Variants in FGF12 observed in about 807,000 individuals in gnomAD.
FGF12 encodes fibroblast growth factor 12.
A neutral mutation model predicts 23.6 loss-of-function variants in FGF12; 14 were observed. The observed-to-expected ratio is 0.59, with a 90% CI of 0.39 to 0.93. FGF12 has a LOEUF of 0.93. Ranked by LOEUF, FGF12 falls within the 40% of genes least tolerant of loss-of-function variation. The pLI is 0.00. For synonymous variants in FGF12, 62 were observed against 77.3 expected, an observed-to-expected ratio of 0.80 and a Z score of 1.04; for missense variants, 175 against 217.8, an observed-to-expected ratio of 0.80 and a Z score of 1.24.
chr3:192,509,968 G>T (rs2108838826), intron 2 of FGF12, among the ~76,000 whole-genome samples: 1 of 152,260 alleles, frequency 6.6e-6, no homozygotes, highest in Middle Eastern at 3.4e-3. Context: ...CTCACAAAAA[G>T]AAGTTTTAAC....
intron 5 of FGF12, among the ~76,000 whole-genome samples, chr3:192,168,916 CAAG>C (rs1715381243): frequency 6.6e-6 from 1 of 152,088 alleles, no homozygotes; most frequent in South Asian, 2.1e-4. Context: ...TGAAGAAAGT[CAAG>C]AAGGCCATCA....
At chr3:192,425,005 A>C (rs2108786412) in intron 2 of FGF12, among the ~76,000 whole-genome samples, 1 of 152,286 alleles carries the variant, frequency 6.6e-6, no homozygotes, top group East Asian at 1.9e-4. Flanking sequence ...TGTATACTGC[A>C]TATATGTGTG....
intron 2 of FGF12, among the ~76,000 whole-genome samples, chr3:192,672,104 T>C (rs1190375301): frequency 7.2e-6 from 1 of 138,520 alleles, no homozygotes; most frequent in Admixed American, 7.2e-5. Flanking sequence ...AATAGTCTTC[T>C]ATAGTAAACT....
At chr3:192,268,472 A>G (rs1474417213) in intron 4 of FGF12, among the ~76,000 whole-genome samples, 2 of 152,154 alleles carry the variant, frequency 1.3e-5, no homozygotes, top group Admixed American at 6.5e-5. Flanking sequence ...GTAATCTCCA[A>G]TGTTGGAGGT....
intron 4 of FGF12, among the ~76,000 whole-genome samples, chr3:192,306,240 T>C (rs1715646672): frequency 6.6e-6 from 1 of 152,184 alleles, no homozygotes; most frequent in Admixed American, 6.5e-5. Flanking sequence ...TTCAATTATA[T>C]GTTAGGGGAC....
chr3:192,281,670 A>G (rs186875988), intron 4 of FGF12, among the ~76,000 whole-genome samples: 3 of 152,220 alleles, frequency 2.0e-5, no homozygotes, highest in Non-Finnish European at 4.4e-5. Flanking sequence ...TTAGCAACAC[A>G]TGGGCAAACA....
chr3:192,505,500 C>A (rs1724264511), intron 2 of FGF12, among the ~76,000 whole-genome samples: 1 of 152,096 alleles, frequency 6.6e-6, no homozygotes, highest in Non-Finnish European at 1.5e-5. Flanking sequence ...TTAAAAAATT[C>A]ACACGCATAG....
At chr3:192,580,291 T>C (rs1713079112) in intron 2 of FGF12, among the ~76,000 whole-genome samples, 1 of 152,020 alleles carries the variant, frequency 6.6e-6, no homozygotes, top group Admixed American at 6.6e-5. Flanking sequence ...AAGAAGCTAC[T>C]GGAATTTATC....
chr3:192,284,507 T>G (rs1401236874), intron 4 of FGF12, among the ~76,000 whole-genome samples: 2 of 152,014 alleles, frequency 1.3e-5, no homozygotes, highest in African/African-American at 4.8e-5. Context: ...TCTAGCTAAA[T>G]GCAGGATATG....
intron 2 of FGF12, among the ~76,000 whole-genome samples, chr3:192,536,257 T>C (rs1458928140): frequency 6.6e-6 from 1 of 152,240 alleles, no homozygotes; most frequent in South Asian, 2.1e-4. Context: ...ACAAAGGCTA[T>C]ATGGTCCATA....
intron 2 of FGF12, among the ~76,000 whole-genome samples, chr3:192,652,625 G>C (rs1716255821): frequency 6.6e-6 from 1 of 152,160 alleles, no homozygotes; most frequent in Non-Finnish European, 1.5e-5. Flanking sequence ...TAACTTGTGA[G>C]AAATACAAAT....
At chr3:192,413,042 T>C (rs927858506) in intron 2 of FGF12, among the ~76,000 whole-genome samples, 3 of 152,298 alleles carry the variant, frequency 2.0e-5, no homozygotes, top group Non-Finnish European at 2.9e-5. Flanking sequence ...AATTATGTAG[T>C]TATATTTAGT....
At chr3:192,687,595 C>T (rs1717791467) in intron 2 of FGF12, among the ~76,000 whole-genome samples, 1 of 152,140 alleles carries the variant, frequency 6.6e-6, no homozygotes, top group Non-Finnish European at 1.5e-5. Context: ...GCCCAGCCAT[C>T]ACCACCATGT....
intron 5 of FGF12, among the ~76,000 whole-genome samples, chr3:192,151,048 A>G (rs1425687258): frequency 6.9e-6 from 1 of 145,840 alleles, no homozygotes; most frequent in East Asian, 2.0e-4. Flanking sequence ...TGTAAGTTGG[A>G]TTCCTAGGTA....
chr3:192,419,926 A>T (rs1297996258), intron 2 of FGF12, among the ~76,000 whole-genome samples: 1 of 152,136 alleles, frequency 6.6e-6, no homozygotes, highest in African/African-American at 2.4e-5. Context: ...ATGGTTGAAA[A>T]CCTAAATGAT....
At chr3:192,203,417 C>T (rs1717479381) in intron 4 of FGF12, among the ~76,000 whole-genome samples, 2 of 152,026 alleles carry the variant, frequency 1.3e-5, no homozygotes, top group African/African-American at 4.8e-5. Context: ...AAAGTATAAA[C>T]AAAGTTAAGA....
intron 4 of FGF12, chr3:192,282,947 G>C (rs1431729917): frequency 6.6e-6 from 1 of 152,088 alleles, no homozygotes; most frequent in Non-Finnish European, 1.5e-5. Context: ...CACATAAACA[G>C]ATAAAATGGA....
In FGF12 at chr3:192,723,954, G is replaced by A. The variant is rs980147695; in HGVS notation, c.13+3227C>T. Among the ~76,000 whole-genome samples, 14 of 117,940 alleles carry A rather than the reference G, an allele frequency of 1.2e-4. No homozygotes were observed. In the South Asian group the frequency reaches 1.9e-3, roughly 16 times the overall value. 77.4% of individuals were successfully genotyped at this position (117,940 alleles called of 152,430 possible). ...GAGGGAAGAGGAAAGGAGGGGAGGG[G>A]AGGAGAGGAAGGAGGGGAGGGGAGG... On this transcript the variant is annotated intron_variant, in intron 2 of 5. Coordinates refer to ENST00000445105, the MANE Select transcript of FGF12 (RefSeq NM_004113.6).
At chr3:192,260,081 C>T (rs992058088) in intron 4 of FGF12, among the ~76,000 whole-genome samples, 1 of 152,142 alleles carries the variant, frequency 6.6e-6, no homozygotes, top group Non-Finnish European at 1.5e-5. Context: ...TCACTTGAAG[C>T]ATCTCTACGA....
Sources: gnomAD v4.1 joint callset for allele counts (sites outside exome capture counted in the v4.1 genomes callset) on GRCh38, gnomAD v4.1.1 for gene constraint, MANE v1.5 for transcripts, NCBI Gene and HGNC (gene_info 2026-07-23, HGNC 2026-07-21) for gene names.